GGCX: variants seen among roughly 807,000 people sequenced by gnomAD.
The protein encoded by GGCX is gamma-glutamyl carboxylase.
Under a neutral mutation model 88.5 loss-of-function variants are expected in GGCX, and 63 were observed. That is an observed-to-expected ratio of 0.71 (90% CI 0.58 to 0.88). The LOEUF is 0.88. Ranked by LOEUF, GGCX falls within the 40% of genes least tolerant of loss-of-function variation. The pLI, the probability that GGCX is intolerant of heterozygous loss-of-function variation, is 0.00. For synonymous variants in GGCX, 368 were observed against 365.8 expected, an observed-to-expected ratio of 1.01 and a Z score of -0.07; for missense variants, 805 against 932.9, an observed-to-expected ratio of 0.86 and a Z score of 1.79.
In GGCX at chr2:85,551,566, T is replaced by G. The variant is rs1394226926; in HGVS notation, c.1654A>C (p.Ser552Arg). The G allele has an allele frequency of 2.5e-6, 4 of 1,613,690 alleles. No homozygotes were observed. Among genetic ancestry groups the G allele is most frequent in the African/African-American group, 1.3e-5 (1 of 74,912 alleles). Residue 552 changes from serine (S) to arginine (R), a missense_variant, in exon 12 of 15, where the codon AGC becomes CGC. This residue lies in a region of GGCX where 680 missense variants were observed against 763.7 expected (regional missense o/e 0.89). Coordinates refer to ENST00000233838, the MANE Select transcript of GGCX (RefSeq NM_000821.7). ...NFVSEDLGNT[S>R]IQLLQGEVTV... ...ACTTCCCCCTGCAGCAGCTGGATGC[T>G]AGTGTTGCCCAGGTCTTCACTCACA...
At chr2:85,559,206 A>C (rs984889175) in intron 2 of GGCX, 131 bp from the exon 3 acceptor site, 27 of 783,212 alleles carry the variant, frequency 3.4e-5, no homozygotes, top group Non-Finnish European at 2.2e-6. Flanking sequence ...CCATTTATTC[A>C]GTATTAATTA....
chr2:85,551,829 A>G lies in GGCX; in HGVS notation c.1592T>C (p.Phe531Ser). ...CTCCATACCAGGGAAATCTGCAATG[A>G]AGACCACCTCAGTGTGGTTGTCTAG... The part of the protein sequence containing the change: ...SSLDNHTEVV[F>S]IADFPGLHLE... Residue 531 changes from phenylalanine to serine, a missense_variant, in exon 11 of 15, where the codon TTC (phenylalanine) becomes TCC (serine). Physicochemically the swap from Phe to Ser is radical, Grantham distance 155. Around this residue, in one of 3 missense-constraint regions of GGCX, gnomAD observed 680 missense variants for 763.7 expected, o/e 0.89. Transcript: ENST00000233838. 6.2e-7 allele frequency: 1 copy of G among 1,613,760 alleles called. No homozygotes were observed. The highest frequency in any genetic ancestry group is 8.5e-7 in the Non-Finnish European group (1 of 1,179,630).
chr2:85,559,099 G>T, intron 2 of GGCX, 24 bp from the exon 3 acceptor site: 1 of 1,609,108 alleles, frequency 6.2e-7, no homozygotes, highest in Non-Finnish European at 8.5e-7. Flanking sequence ...AGGGGAGTTG[G>T]TCATTGGGCC....
chr2:85,551,940 G>A lies in GGCX; in HGVS notation c.1481C>T (p.Ser494Leu), dbSNP rs755573189. The A allele has an allele frequency of 3.2e-5, 52 of 1,613,820 alleles. No homozygotes were observed. The highest frequency in any genetic ancestry group is 4.2e-5 in the Non-Finnish European group (49 of 1,179,854). ...PRVDIVQAAW[S>L]PFQRTSWVQP... ...CACCCAGGATGTGCGCTGAAAGGGT[G>A]ACCAAGCGGCCTGCACGATGTCCAC... The change falls in exon 11 of 15, where the codon TCA becomes TTA. Residue 494 changes from serine (S) to leucine (L), a missense_variant. Around this residue, in one of 3 missense-constraint regions of GGCX, gnomAD observed 680 missense variants for 763.7 expected, o/e 0.89. Coordinates refer to ENST00000233838, the MANE Select transcript of GGCX (RefSeq NM_000821.7).
chr2:85,550,196 T>C, intron 14 of GGCX, 70 bp from the exon 15 acceptor site: 1 of 1,172,632 alleles, frequency 8.5e-7, no homozygotes, highest in South Asian at 1.2e-5. Context: ...CTAAAGCCCT[T>C]AGAAGGCACC....
chr2:85,550,276 G>T, intron 14 of GGCX, 150 bp from the exon 15 acceptor site: 1 of 705,230 alleles, frequency 1.4e-6, no homozygotes, highest in South Asian at 1.6e-5. Flanking sequence ...CTCCCAGCTG[G>T]AAGGGTACAC....
intron 4 of GGCX, 122 bp downstream of exon 4, chr2:85,558,318 A>C: frequency 2.3e-6 from 2 of 872,062 alleles, no homozygotes; most frequent in South Asian, 2.8e-5. Context: ...CCTAGATCAA[A>C]GTGACCTTGT....
chr2:85,558,902 C>T lies in GGCX; in HGVS notation c.373+15G>A, dbSNP rs758482251. ...TTCTGGCAGGCCAGTCAATATTTCC[C>T]ACAGTTCCCCTCACCCAGAAACATG... On this transcript the variant is annotated intron_variant, in intron 3 of 14. Coordinates refer to ENST00000233838, the MANE Select transcript of GGCX (RefSeq NM_000821.7). 17 of 1,611,774 alleles carry T rather than the reference C, an allele frequency of 1.1e-5. No homozygotes were observed. In the South Asian group the frequency reaches 1.9e-4, roughly 18 times the overall value.
At position 85,550,030 on chromosome 2, in the gene GGCX, G is replaced by A; in HGVS notation, c.2181C>T (p.Pro727=). 4 of 1,612,310 alleles carry A rather than the reference G, an allele frequency of 2.5e-6. No homozygotes were observed. The highest frequency in any genetic ancestry group is 3.4e-6 in the Non-Finnish European group (4 of 1,178,494). The change falls in exon 15 of 15, where the codon CCC becomes CCT. Residue 727 remains proline (P), a synonymous_variant. Transcript: ENST00000233838. ...GATTCAGTTCTCCAACTGCCTCAAA[G>A]GGTCTCAAGTTTGCATAAGTCACCT... ...AQEVTYANLR[P]FEAVGELNPS...
intron 9 of GGCX, 69 bp downstream of exon 9, chr2:85,552,870 G>A (rs1692022261): frequency 3.2e-6 from 5 of 1,562,542 alleles, no homozygotes; most frequent in Middle Eastern, 1.7e-4. Context: ...GTGTGTGTAA[G>A]ACAAAACCAG....
rs756270611 is a variant in GGCX, at chr2:85,549,963, T to C, written c.2248A>G (p.Asn750Asp). The C allele has an allele frequency of 6.2e-7, 1 of 1,613,804 alleles. No individual in the cohort carries two copies. Among genetic ancestry groups the C allele is most frequent in the Admixed American group, 1.7e-5 (1 of 60,018 alleles). The change falls in exon 15 of 15, where the codon AAT (asparagine) becomes GAT (aspartate). Residue 750 changes from asparagine to aspartate, a missense_variant. Physicochemically the swap from Asn to Asp is conservative, Grantham distance 23 (BLOSUM62 1). This residue lies in a region of GGCX where 680 missense variants were observed against 763.7 expected (regional missense o/e 0.89). Coordinates refer to ENST00000233838, the MANE Select transcript of GGCX (RefSeq NM_000821.7). ...DSSHSNPPES[N>D]PDPVHSEF ...AACTCTGAGTGGACAGGATCAGGAT[T>C]TGACTCAGGAGGATTAGAATGTGAA...
rs937496327 is a variant in GGCX at position 85,549,693 on chromosome 2, G to A, written c.*241C>T. 1 of 510,634 alleles carries A rather than the reference G, an allele frequency of 2.0e-6. No individual in the cohort carries two copies. Among genetic ancestry groups the A allele is most frequent in the African/African-American group, 1.9e-5 (1 of 51,696 alleles). The allele number at this position is 510,634 out of a possible 1,614,324, so 31.6% of individuals were successfully genotyped here. On this transcript the variant is annotated 3_prime_UTR_variant, in exon 15 of 15. Transcript: ENST00000233838. ...AGCCACTTTAAACCTTATCCTAGGA[G>A]GACAGTTTCACATTGCGTCTAACCT... is the stretch of plus-strand genomic sequence containing the variant.
rs1367439295 is a variant in GGCX at position 85,549,309 on chromosome 2, A to G, written c.*625T>C. The G allele has an allele frequency of 6.3e-6, 1 of 157,638 alleles. No homozygotes were observed. The highest frequency in any genetic ancestry group is 2.4e-5 in the African/African-American group (1 of 41,460). The allele number at this position is 157,638 out of a possible 1,614,324, so 9.8% of individuals were successfully genotyped here. A position where few individuals can be genotyped will look rare whatever the true frequency, so the allele number is the denominator to read the frequency against. ...ACGCGGTGTGTTGCACATAGCAAAC[A>G]CTTGGGAACAGTTAGCTATTCATCG... On this transcript the variant is annotated 3_prime_UTR_variant, in exon 15 of 15. Coordinates refer to ENST00000233838, the MANE Select transcript of GGCX (RefSeq NM_000821.7).
chr2:85,550,193 C>T, intron 14 of GGCX, 67 bp from the exon 15 acceptor site: 1 of 1,190,676 alleles, frequency 8.4e-7, no homozygotes, highest in Non-Finnish European at 1.2e-6. Flanking sequence ...CAGCTAAAGC[C>T]CTTAGAAGGC....
rs970229699 is a variant in GGCX at position 85,559,444 on chromosome 2, G to A, written c.215-369C>T. ...AGTGCTCTGGGAGGCCAGGCACGGT[G>A]GCTCACGCCTGTAATCCCAGCACTT... On this transcript the variant is annotated intron_variant, in intron 2 of 14. Transcript: ENST00000233838. 4.0e-5 allele frequency among the ~76,000 whole-genome samples: 6 copies of A among 150,870 alleles called. No homozygotes were observed. In the East Asian group the frequency reaches 5.9e-4, roughly 15 times the overall value.
chr2:85,553,713 C>T, intron 7 of GGCX: 1 of 555,110 alleles, frequency 1.8e-6, no homozygotes, highest in East Asian at 3.2e-5. Flanking sequence ...GATTCTCTTG[C>T]CTCAGCCTCC....
At position 85,560,893 on chromosome 2, in the gene GGCX, A is replaced by G; in HGVS notation, c.136T>C (p.Ser46Pro). The G allele has an allele frequency of 6.2e-7, 1 of 1,613,980 alleles. No individual in the cohort carries two copies. The highest frequency in any genetic ancestry group is 1.3e-5 in the African/African-American group (1 of 75,036). The change falls in exon 2 of 15, where the codon TCC (serine) becomes CCC (proline). Residue 46 changes from serine (S) to proline (P), a missense_variant. Transcript: ENST00000233838. The part of the protein sequence containing the change: ...KLLGFEWTDL[S>P]SWRRLVTLLN... The stretch of plus-strand genomic sequence containing the variant: ...AGGGTCACCAGCCTCCGCCAACTGG[A>G]CAAATCTGTCCACTCAAAACCCAAG...
rs11415157 is a variant in GGCX, at chr2:85,546,416, TA to T, written c.*3517del. On this transcript the variant is annotated 3_prime_UTR_variant, in exon 15 of 15. Coordinates refer to ENST00000233838, the MANE Select transcript of GGCX (RefSeq NM_000821.7). The stretch of plus-strand genomic sequence containing the variant: ...CCGGCCAGGGTAACAGAGTGAGACT[TA>T]AAAAAAAAGCCGTGGAAATCTGGGT... 2.0e-5 allele frequency: 3 copies of T among 150,332 alleles called. No individual in the cohort carries two copies. The highest frequency in any genetic ancestry group is 6.6e-5 in the Admixed American group (1 of 15,056). The allele number at this position is 150,332 out of a possible 1,614,324, so 9.3% of individuals were successfully genotyped here.
Position 85,559,050 on chromosome 2 carries a change from G to A in GGCX, c.240C>T (p.Pro80=), listed in dbSNP as rs375948402. The A allele has an allele frequency of 6.2e-7, 1 of 1,614,142 alleles. No individual in the cohort carries two copies. The highest frequency in any genetic ancestry group is 8.5e-7 in the Non-Finnish European group (1 of 1,180,010). The change falls in exon 3 of 15, where the codon CCC becomes CCT. Residue 80 remains proline, a synonymous_variant. Coordinates refer to ENST00000233838, the MANE Select transcript of GGCX (RefSeq NM_000821.7). ...CCAGAGAGCTGAGCCCCCGCTCCTG[G>A]GGAATGTCTAGCACCATCAAGAACC... ...LFGFLMVLDI[P]QERGLSSLDR...
Sources: allele counts gnomAD v4.1 joint callset (sites outside exome capture counted in the v4.1 genomes callset), GRCh38; gene constraint gnomAD v4.1.1; regional missense constraint gnomAD v4.1.1; transcripts MANE v1.5; gene names NCBI Gene and HGNC (gene_info 2026-07-23, HGNC 2026-07-21).